Variants in ZNF131 observed in about 807,000 individuals in gnomAD.
ZNF131 encodes zinc finger and BTB domain containing 35.
In ZNF131, 7 loss-of-function variants were observed where a neutral mutation model predicts 60.0. That is an observed-to-expected ratio of 0.12 (90% CI 0.07 to 0.22). The LOEUF (loss-of-function observed/expected upper bound fraction) is 0.22, where lower values mean the gene tolerates loss of function less well. Among genes scored for constraint, ZNF131 ranks in the 10% least tolerant of loss-of-function variants. The probability of loss-of-function intolerance (pLI) is 1.00; values close to 1 mark genes in which losing one functional copy is unlikely to be tolerated. For missense variants in ZNF131, 493 were observed against 740.9 expected (o/e 0.67, Z 3.88); for synonymous variants, 257 against 253.2 (o/e 1.01, Z -0.14).
In ZNF131 at chr5:43,162,992, G is replaced by A. The variant is rs1254557101; in HGVS notation, c.1054+1061G>A. ...GCCTTTTTTTTTTTTTTTTTTGGCAGATGGAGTCTCGCTCTGTTGCCCAGG... is the reference window on the plus strand; with the variant it reads ...GCCTTTTTTTTTTTTTTTTTTGGCAAATGGAGTCTCGCTCTGTTGCCCAGG... On this transcript the variant is annotated intron_variant, in intron 5 of 6. Coordinates refer to ENST00000682664, the MANE Select transcript of ZNF131 (RefSeq NM_001330707.2). Among the ~76,000 whole-genome samples the A allele has an allele frequency of 5.5e-4, 11 of 20,176 alleles. No individual in the cohort carries two copies. In the East Asian group the frequency reaches 0.071, roughly 131 times the overall value. 13.2% of individuals were successfully genotyped at this position (20,176 alleles called of 152,430 possible).
intron 4 of ZNF131, among the ~76,000 whole-genome samples, chr5:43,149,019 C>G (rs1453099075): frequency 6.6e-6 from 1 of 152,252 alleles, no homozygotes; most frequent in Non-Finnish European, 1.5e-5. Context: ...GTGGCTCACA[C>G]CTGTAATCCC....
chr5:43,156,513 G>A (rs1009193979), intron 4 of ZNF131, among the ~76,000 whole-genome samples: 2 of 152,168 alleles, frequency 1.3e-5, no homozygotes, highest in Admixed American at 6.5e-5. Flanking sequence ...ATTTACTTTT[G>A]GTTTCAAGCA....
At chr5:43,139,947 G>A (rs1156313015) in intron 4 of ZNF131, among the ~76,000 whole-genome samples, 1 of 152,134 alleles carries the variant, frequency 6.6e-6, no homozygotes, top group African/African-American at 2.4e-5. Flanking sequence ...CAGGCCCAGT[G>A]GATTACGCCT....
chr5:43,156,439 AGGAGAGG>A (rs1192434999), intron 4 of ZNF131, among the ~76,000 whole-genome samples: 1 of 152,242 alleles, frequency 6.6e-6, no homozygotes, highest in East Asian at 1.9e-4. Flanking sequence ...CTGAAGTGAA[AGGAGAGG>A]GTAGAGGAGG....
chr5:43,168,253 A>G (rs1335047839), intron 5 of ZNF131, among the ~76,000 whole-genome samples: 1 of 152,222 alleles, frequency 6.6e-6, no homozygotes, highest in Non-Finnish European at 1.5e-5. Flanking sequence ...CAAACATTCA[A>G]ACTATAGCAG....
chr5:43,161,252 C>T lies in ZNF131; in HGVS notation c.375C>T (p.Asn125=). Residue 125 remains asparagine (N), a synonymous_variant, in exon 5 of 7, where the codon AAC becomes AAT. Coordinates refer to ENST00000682664, the MANE Select transcript of ZNF131 (RefSeq NM_001330707.2). ...ACCCCTACATTATGTATTTCAGGAA[C>T]AAAGAAAACTCAGCTCCCTTAGAGG... ...LEAIKALEVR[N]KENSAPLEEN... 1 of 1,589,572 alleles carries T rather than the reference C, an allele frequency of 6.3e-7. No individual in the cohort carries two copies. Among genetic ancestry groups the T allele is most frequent in the Non-Finnish European group, 8.5e-7 (1 of 1,171,408 alleles).
In ZNF131 at chr5:43,174,518, C is replaced by T; in HGVS notation, c.1257C>T (p.Pro419=). 2 of 1,579,242 alleles carry T rather than the reference C, an allele frequency of 1.3e-6. No homozygotes were observed. Among genetic ancestry groups the T allele is most frequent in the Non-Finnish European group, 1.7e-6 (2 of 1,162,070 alleles). Residue 419 remains proline, a synonymous_variant, in exon 7 of 7, where the codon CCC becomes CCT. Transcript: ENST00000682664. ...TGGTAATACACACTGGAGATAAACC[C>T]AACCATTGTACTTTATGTGATTTGT... The part of the protein sequence containing the change: ...DHLVIHTGDK[P]NHCTLCDLWF...
intron 3 of ZNF131, among the ~76,000 whole-genome samples, chr5:43,129,453 ATCT>A (rs1448719106): frequency 6.6e-6 from 1 of 151,848 alleles, no homozygotes; most frequent in East Asian, 1.9e-4. Flanking sequence ...CCTTATTCAA[ATCT>A]TCTCGGAGGC....
At chr5:43,155,532 C>T (rs1376991806) in intron 4 of ZNF131, among the ~76,000 whole-genome samples, 2 of 152,192 alleles carry the variant, frequency 1.3e-5, no homozygotes, top group South Asian at 2.1e-4. Flanking sequence ...GGTTCATTAG[C>T]GTTGTGGGGC....
At chr5:43,160,269 G>A (rs1043498445) in intron 4 of ZNF131, among the ~76,000 whole-genome samples, 4 of 152,066 alleles carry the variant, frequency 2.6e-5, no homozygotes, top group Non-Finnish European at 4.4e-5. Flanking sequence ...CTGGGAGGCC[G>A]AGGCAGGAGG....
intron 4 of ZNF131, 131 bp downstream of exon 4, chr5:43,139,440 C>T: frequency 9.6e-7 from 1 of 1,042,424 alleles, no homozygotes; most frequent in Non-Finnish European, 1.3e-6. Context: ...ATTTAAGGAT[C>T]TATTAAAAAA....
At chr5:43,129,155 C>CA (rs34205590) in intron 3 of ZNF131, among the ~76,000 whole-genome samples, 42,103 of 152,032 alleles carry the variant, frequency 0.28, 6,403 homozygotes, top group East Asian at 0.63. Flanking sequence ...AGGCTGGTCT[C>CA]AAACTCCTGA....
chr5:43,158,015 C>T (rs1749168876), intron 4 of ZNF131, among the ~76,000 whole-genome samples: 1 of 152,246 alleles, frequency 6.6e-6, no homozygotes, highest in Non-Finnish European at 1.5e-5. Flanking sequence ...ATTGCCCAGG[C>T]TGGAGTGCAG....
At chr5:43,165,422 T>C (rs1403767775) in intron 5 of ZNF131, among the ~76,000 whole-genome samples, 1 of 152,172 alleles carries the variant, frequency 6.6e-6, no homozygotes, top group Non-Finnish European at 1.5e-5. Context: ...AATTACTTCT[T>C]GATCTGTGGG....
chr5:43,154,721 A>G (rs1234165640), intron 4 of ZNF131, among the ~76,000 whole-genome samples: 1 of 152,238 alleles, frequency 6.6e-6, no homozygotes, highest in South Asian at 2.1e-4. Context: ...CAATCTGGGC[A>G]GTGCAGGCTT....
intron 3 of ZNF131, among the ~76,000 whole-genome samples, chr5:43,133,380 G>A (rs986751698): frequency 2.6e-5 from 4 of 152,168 alleles, no homozygotes; most frequent in South Asian, 2.1e-4. Context: ...CAGGAGAATC[G>A]TTTCGATCTG....
At chr5:43,157,929 G>C (rs1439137340) in intron 4 of ZNF131, among the ~76,000 whole-genome samples, 1 of 152,196 alleles carries the variant, frequency 6.6e-6, no homozygotes, top group African/African-American at 2.4e-5. Flanking sequence ...TCCTTGTAGA[G>C]ACACTAATTG....
chr5:43,175,672 C>A lies in ZNF131; in HGVS notation c.*539C>A. The A allele has an allele frequency of 2.7e-6, 1 of 375,358 alleles. No homozygotes were observed. The allele number at this position is 375,358 out of a possible 1,614,324, so 23.3% of individuals were successfully genotyped here. ...TTGTCTACCCCAGTAGTCACAGATG[C>A]CATCTTTGCAACAGAAAGAGTGGTG... On this transcript the variant is annotated 3_prime_UTR_variant, in exon 7 of 7. Transcript: ENST00000682664.
chr5:43,131,138 T>C (rs1160062351), intron 3 of ZNF131, among the ~76,000 whole-genome samples: 1 of 151,952 alleles, frequency 6.6e-6, no homozygotes, highest in Non-Finnish European at 1.5e-5. Flanking sequence ...GTGCTGGGAT[T>C]ACAGGTGTGA....
Sources: allele counts gnomAD v4.1 joint callset (sites outside exome capture counted in the v4.1 genomes callset), GRCh38; gene constraint gnomAD v4.1.1; transcripts MANE v1.5; gene names NCBI Gene and HGNC (gene_info 2026-07-23, HGNC 2026-07-21).